MCM9: variants seen among roughly 807,000 people sequenced by gnomAD.
MCM9 encodes the protein minichromosome maintenance 9 homologous recombination repair factor.
In MCM9, 55 loss-of-function variants were observed where a neutral mutation model predicts 72.8. The observed-to-expected ratio is 0.76, with a 90% confidence interval of 0.61 to 0.95. MCM9 has a LOEUF of 0.95. Ranked by LOEUF, MCM9 falls within the 40% of genes least tolerant of loss-of-function variation. The pLI is 0.00. For missense variants in MCM9, 1,279 were observed against 1,377.0 expected, an observed-to-expected ratio of 0.93 and a Z score of 1.13; for synonymous variants, 480 against 503.4, an observed-to-expected ratio of 0.95 and a Z score of 0.62.
At chr6:118,877,059 G>A (rs537658555) in intron 8 of MCM9, among the ~76,000 whole-genome samples, 1 of 152,190 alleles carries the variant, frequency 6.6e-6, no homozygotes, top group Admixed American at 6.5e-5. Flanking sequence ...TTAGAGCCCA[G>A]CCACTATGTT....
intron 9 of MCM9, among the ~76,000 whole-genome samples, chr6:118,836,974 A>G (rs1421129549): frequency 6.6e-6 from 1 of 152,096 alleles, no homozygotes; most frequent in East Asian, 1.9e-4. Context: ...TGGGGTGCTG[A>G]ATTTAGATCT....
chr6:118,921,753 C>T (rs1305530713), intron 5 of MCM9: 1 of 311,490 alleles, frequency 3.2e-6, no homozygotes, highest in Non-Finnish European at 5.8e-6. Context: ...TGCCACTTAA[C>T]TCTCTAAGTG....
In MCM9 at chr6:118,915,119, C is replaced by A. The variant is rs548032071; in HGVS notation, c.905-1699G>T. The stretch of plus-strand genomic sequence containing the variant: ...ACACTGTGGTCAACACAAAAGACTA[C>A]AAAGGTAGGACTGGGGTCCCAGAGA... On this transcript the variant is annotated intron_variant, in intron 6 of 13. Transcript: ENST00000619706. Among the ~76,000 whole-genome samples the A allele has an allele frequency of 3.9e-5, 6 of 152,284 alleles. No homozygotes were observed. The South Asian group carries it at 1.2e-3, about 32-fold the overall frequency.
Position 118,815,665 on chromosome 6 carries a change from G to A in MCM9, c.2591C>T (p.Thr864Ile), listed in dbSNP as rs1393220862. Residue 864 changes from threonine to isoleucine, a missense_variant, in exon 14 of 14, where the codon ACC becomes ATC. By Grantham distance (89) the Thr-to-Ile change is moderately conservative. Transcript: ENST00000619706. ...ERAQKLCRNS[T>I]RVPAQCTVPS... is the part of the protein sequence containing the mutation. ...GACTGTGCACTGTGCAGGCACCCTG[G>A]TGCTATTTCTGCACAACTTCTGGGC... The A allele has an allele frequency of 6.5e-7, 1 of 1,549,842 alleles. No homozygotes were observed. Among genetic ancestry groups the A allele is most frequent in the Non-Finnish European group, 8.7e-7 (1 of 1,146,828 alleles).
rs146630375 is a variant in MCM9 at position 118,847,226 on chromosome 6, G to C, written c.1325+9145C>G. ...CACTGCATGTTCTCACTTTTAAGTG[G>C]GAGCTAAACAACGGGTAGACATGTT... On this transcript the variant is annotated intron_variant, in intron 9 of 13. Transcript: ENST00000619706. Among the ~76,000 whole-genome samples, 85 of 151,740 alleles carry C rather than the reference G, an allele frequency of 5.6e-4. 1 individual carries two copies. In the East Asian group the frequency reaches 0.014, roughly 26 times the overall value.
Position 118,835,984 on chromosome 6 carries a change from T to C in MCM9, c.1326-6734A>G, listed in dbSNP as rs188101699. ...ATTCAGTATGATATCGGCTGTGGGT[T>C]TGTCATAAATAGCTCTTATTATTTT... On this transcript the variant is annotated intron_variant, in intron 9 of 13. Coordinates refer to ENST00000619706, the MANE Select transcript of MCM9 (RefSeq NM_017696.3). Among the ~76,000 whole-genome samples the C allele has an allele frequency of 2.9e-3, 434 of 152,278 alleles. 9 individuals are homozygous for C. Among genetic ancestry groups the C allele is most frequent in the Admixed American group, 0.026 (397 of 15,286 alleles).
chr6:118,849,582 CACAA>C (rs764227172), intron 9 of MCM9, among the ~76,000 whole-genome samples: 1 of 151,630 alleles, frequency 6.6e-6, no homozygotes, highest in Non-Finnish European at 1.5e-5. Context: ...AAAGAAACAA[CACAA>C]ACAACATTCT....
At chr6:118,927,994 G>A (rs902815559) in intron 3 of MCM9, among the ~76,000 whole-genome samples, 1 of 152,180 alleles carries the variant, frequency 6.6e-6, no homozygotes, top group African/African-American at 2.4e-5. Context: ...TTTTGTGACT[G>A]GCTTCCTGTT....
intron 3 of MCM9, among the ~76,000 whole-genome samples, chr6:118,927,941 G>A (rs1782035543): frequency 6.6e-6 from 1 of 152,216 alleles, no homozygotes; most frequent in Admixed American, 6.5e-5. Flanking sequence ...GCTTGCCACA[G>A]ATCTAAGAAT....
chr6:118,853,933 GT>G (rs1776392314), intron 9 of MCM9, among the ~76,000 whole-genome samples: 1 of 152,090 alleles, frequency 6.6e-6, no homozygotes, highest in African/African-American at 2.4e-5. Context: ...TTTTCTTAAT[GT>G]TTTGCAGTTT....
intron 9 of MCM9, among the ~76,000 whole-genome samples, chr6:118,840,372 C>T (rs987196679): frequency 6.6e-6 from 1 of 151,980 alleles, no homozygotes; most frequent in Non-Finnish European, 1.5e-5. Context: ...CAAAAAATAA[C>T]CTTTCATTCT....
At chr6:118,916,903 G>A (rs759548917) in intron 6 of MCM9, among the ~76,000 whole-genome samples, 32 of 152,278 alleles carry the variant, frequency 2.1e-4, no homozygotes, top group South Asian at 6.2e-4. Context: ...TATTAGAAAC[G>A]TCTATTACTG....
chr6:118,853,034 C>T (rs1028141027), intron 9 of MCM9, among the ~76,000 whole-genome samples: 6 of 152,098 alleles, frequency 3.9e-5, no homozygotes, highest in African/African-American at 1.4e-4. Flanking sequence ...CAAGATTTAC[C>T]TATCCATTTA....
rs553961378 is a variant in MCM9 at position 118,906,817 on chromosome 6, C to T, written c.1150+4833G>A. ...AAGTTGAACCATGCAAGAAAAATTA[C>T]ATGACAATAGAATAGAATGTTCTCA... On this transcript the variant is annotated intron_variant, in intron 8 of 13. Coordinates refer to ENST00000619706, the MANE Select transcript of MCM9 (RefSeq NM_017696.3). Among the ~76,000 whole-genome samples the T allele has an allele frequency of 7.9e-5, 12 of 152,264 alleles. 1 individual carries two copies. Among genetic ancestry groups the T allele is most frequent in the African/African-American group, 2.9e-4 (12 of 41,556 alleles).
intron 8 of MCM9, among the ~76,000 whole-genome samples, chr6:118,892,817 C>T (rs1003883395): frequency 1.3e-5 from 2 of 152,184 alleles, no homozygotes; most frequent in African/African-American, 2.4e-5. Context: ...CCACTCTAAC[C>T]GGTTTTCCTA....
chr6:118,829,120 T>G lies in MCM9; in HGVS notation c.1456A>C (p.Ile486Leu), dbSNP rs1774362301. 1 of 1,550,428 alleles carries G rather than the reference T, an allele frequency of 6.4e-7. No individual in the cohort carries two copies. The highest frequency in any genetic ancestry group is 8.7e-7 in the Non-Finnish European group (1 of 1,147,000). The change falls in exon 10 of 14, where the codon ATC becomes CTC. Residue 486 changes from isoleucine to leucine, a missense_variant. Transcript: ENST00000619706. ...TTCTTGGTATCAAGCAAAACCAGGA[T>G]CAGGTCAAATCGACTTAAGAGTGGG... Reference protein sequence around the residue: ...GSPLLSRFDLILVLLDTKNED... With the variant: ...GSPLLSRFDLLLVLLDTKNED...
intron 9 of MCM9, among the ~76,000 whole-genome samples, chr6:118,833,642 AC>A (rs1483801595): frequency 6.6e-6 from 1 of 152,206 alleles, no homozygotes; most frequent in Non-Finnish European, 1.5e-5. Context: ...ACATGGAAGA[AC>A]CTTAACTATA....
intron 8 of MCM9, chr6:118,900,935 A>G: frequency 8.4e-7 from 1 of 1,187,682 alleles, no homozygotes; most frequent in Non-Finnish European, 1.3e-6. Context: ...AGTAGACTAT[A>G]TTATCTATTA....
At chr6:118,910,273 C>G (rs1780449257) in intron 8 of MCM9, among the ~76,000 whole-genome samples, 1 of 151,864 alleles carries the variant, frequency 6.6e-6, no homozygotes, top group African/African-American at 2.4e-5. Context: ...ACTGAATTGA[C>G]TTTTATGACT....
Sources: allele counts gnomAD v4.1 joint callset (sites outside exome capture counted in the v4.1 genomes callset), GRCh38; gene constraint gnomAD v4.1.1; transcripts MANE v1.5; gene names NCBI Gene and HGNC (gene_info 2026-07-23, HGNC 2026-07-21).